Variants in LIMA1 observed in about 807,000 individuals in gnomAD.
LIMA1 encodes the protein LIM domain and actin binding 1, also known as LIM domain and actin-binding protein 1.
A neutral mutation model predicts 62.6 loss-of-function variants in LIMA1; 52 were observed. The observed-to-expected ratio is 0.83, with a 90% CI of 0.67 to 1.05. The LOEUF is 1.05. Among genes scored for constraint, LIMA1 ranks in the 50% least tolerant of loss-of-function variants. The pLI is 0.00. For missense variants in LIMA1, 780 were observed against 902.2 expected (o/e 0.86, Z 1.74); for synonymous variants, 302 against 317.8 (o/e 0.95, Z 0.53).
At chr12:50,212,473 TAGAAAG>T (rs991333694) in intron 4 of LIMA1, among the ~76,000 whole-genome samples, 2 of 152,174 alleles carry the variant, frequency 1.3e-5, no homozygotes, top group Non-Finnish European at 2.9e-5. Context: ...GGGACTCTCT[TAGAAAG>T]AGAGTTAATG....
chr12:50,260,191 A>ACGCAGAG (rs1942048208), intron 1 of LIMA1, among the ~76,000 whole-genome samples: 1 of 145,492 alleles, frequency 6.9e-6, no homozygotes, highest in Non-Finnish European at 1.5e-5. Flanking sequence ...CTTGTTGCCC[A>ACGCAGAG]TGCTGGAGTG....
intron 2 of LIMA1, among the ~76,000 whole-genome samples, chr12:50,235,922 C>T (rs980541205): frequency 2.6e-5 from 4 of 152,130 alleles, no homozygotes; most frequent in South Asian, 2.1e-4. Context: ...CCCAGCACTT[C>T]GGGAGATGGA....
intron 1 of LIMA1, among the ~76,000 whole-genome samples, chr12:50,271,008 C>T (rs1942203736): frequency 1.3e-5 from 2 of 152,220 alleles, no homozygotes; most frequent in Non-Finnish European, 2.9e-5. Context: ...AGGAGAATGG[C>T]ATGAACCCAG....
intron 2 of LIMA1, among the ~76,000 whole-genome samples, chr12:50,244,767 G>A (rs145204780): frequency 2.6e-4 from 39 of 152,278 alleles, no homozygotes; most frequent in Admixed American, 1.4e-3. Context: ...TCTCCTTAGT[G>A]CTACTATAGG....
intron 4 of LIMA1, among the ~76,000 whole-genome samples, chr12:50,207,160 G>A (rs1203773337): frequency 6.6e-6 from 1 of 152,026 alleles, no homozygotes; most frequent in Admixed American, 6.6e-5. Context: ...CCTGACCTCA[G>A]GTGATCCGCC....
intron 1 of LIMA1, among the ~76,000 whole-genome samples, chr12:50,262,622 GTAAAATAAAATAAAATAAAA>G (rs10539278): frequency 5.2e-4 from 74 of 143,436 alleles, no homozygotes; most frequent in African/African-American, 1.6e-3. Context: ...AAAAAATAAA[GTAAAATAAAATAAAATAAAA>G]TAAAATAAAA....
At chr12:50,279,434 G>T (rs991232002) in intron 1 of LIMA1, among the ~76,000 whole-genome samples, 2 of 151,678 alleles carry the variant, frequency 1.3e-5, no homozygotes, top group African/African-American at 4.8e-5. Flanking sequence ...CAATATGAAA[G>T]AAGTTTTTTA....
intron 8 of LIMA1, among the ~76,000 whole-genome samples, chr12:50,193,621 C>CAT (rs71453826): frequency 1.1e-5 from 1 of 93,780 alleles, no homozygotes; most frequent in Non-Finnish European, 2.0e-5. Context: ...TATATATATA[C>CAT]ATATATATAC....
chr12:50,272,942 C>T (rs938332563), intron 1 of LIMA1, among the ~76,000 whole-genome samples: 4 of 150,552 alleles, frequency 2.7e-5, no homozygotes, highest in South Asian at 2.1e-4. Context: ...CCCAGCTACT[C>T]GGGAGGCTAA....
At chr12:50,209,886 C>G (rs902862692) in intron 4 of LIMA1, among the ~76,000 whole-genome samples, 1 of 151,916 alleles carries the variant, frequency 6.6e-6, no homozygotes, top group Non-Finnish European at 1.5e-5. Flanking sequence ...TGGTCTGAAA[C>G]TCCTGACCTC....
At position 50,203,291 on chromosome 12, in the gene LIMA1, G is replaced by A. The variant is rs570057360; in HGVS notation, c.864+1261C>T. 2.6e-5 allele frequency among the ~76,000 whole-genome samples: 4 copies of A among 151,128 alleles called. No individual in the cohort carries two copies. In the East Asian group the frequency reaches 5.9e-4, roughly 22 times the overall value. ...CAGGCTCCCAAAGTGTTGGGATTAC[G>A]GTGTGAGCTCCTGCGCCTGGCTATA... On this transcript the variant is annotated intron_variant, in intron 6 of 10. Transcript: ENST00000341247.
intron 3 of LIMA1, among the ~76,000 whole-genome samples, chr12:50,229,393 G>A (rs1941576861): frequency 1.3e-5 from 2 of 152,076 alleles, no homozygotes; most frequent in South Asian, 4.1e-4. Context: ...TCCTTTGCAG[G>A]GACATGGATG....
chr12:50,279,002 TTTC>T (rs962457176), intron 1 of LIMA1, among the ~76,000 whole-genome samples: 1 of 114,434 alleles, frequency 8.7e-6, no homozygotes, highest in Admixed American at 9.7e-5. Context: ...CTTTTTTTCT[TTTC>T]TTTTCTTTTT....
intron 2 of LIMA1, among the ~76,000 whole-genome samples, chr12:50,232,376 T>C (rs1941624914): frequency 1.3e-5 from 2 of 149,674 alleles, no homozygotes; most frequent in Non-Finnish European, 3.0e-5. Context: ...CTTTTTTCTT[T>C]TTTTTTTTTT....
At chr12:50,216,011 C>A (rs958708347) in intron 4 of LIMA1, among the ~76,000 whole-genome samples, 1 of 150,498 alleles carries the variant, frequency 6.6e-6, no homozygotes, top group Admixed American at 6.6e-5. Context: ...CCACTGCACT[C>A]CAGCCTGGGC....
chr12:50,250,277 C>T (rs7962859), intron 1 of LIMA1, among the ~76,000 whole-genome samples: 1 of 115,558 alleles, frequency 8.7e-6, no homozygotes, highest in African/African-American at 3.5e-5. Context: ...GCAACAAGGA[C>T]GAAACTCCGT....
chr12:50,274,569 G>A (rs1298981541), intron 1 of LIMA1, among the ~76,000 whole-genome samples: 1 of 151,578 alleles, frequency 6.6e-6, no homozygotes, highest in Non-Finnish European at 1.5e-5. Context: ...GTGACAGAGT[G>A]AGGCTCCATC....
chr12:50,188,597 C>T (rs1940684325), intron 9 of LIMA1: 1 of 152,226 alleles, frequency 6.6e-6, no homozygotes, highest in African/African-American at 2.4e-5. Context: ...TACTACTATT[C>T]TACTGCTGAG....
intron 1 of LIMA1, among the ~76,000 whole-genome samples, chr12:50,270,191 C>T (rs1314420947): frequency 5.2e-5 from 7 of 134,404 alleles, no homozygotes; most frequent in East Asian, 2.3e-4. Flanking sequence ...GCCGAGATCG[C>T]GCCATTGTAC....
Sources: gnomAD v4.1 joint callset for allele counts (sites outside exome capture counted in the v4.1 genomes callset) on GRCh38, gnomAD v4.1.1 for gene constraint, MANE v1.5 for transcripts, NCBI Gene and HGNC (gene_info 2026-07-23, HGNC 2026-07-21) for gene names.